Variants in PPARG observed in about 807,000 individuals in gnomAD.
PPARG encodes the protein peroxisome proliferator-activated receptor gamma.
PPARG carries 17 observed loss-of-function variants against 39.2 expected under a neutral mutation model. The ratio of observed to expected loss-of-function variants is 0.43; its 90% CI spans 0.30 to 0.65. The LOEUF is 0.65. Ranked by LOEUF, PPARG falls within the 30% of genes least tolerant of loss-of-function variation. PPARG has a pLI of 0.13. For synonymous variants in PPARG, 223 were observed against 215.7 expected, an observed-to-expected ratio of 1.03 and a Z score of -0.30; for missense variants, 406 against 585.9, an observed-to-expected ratio of 0.69 and a Z score of 3.17.
upstream of PPARG, chr3:12,287,780 T>A (rs183181489): frequency 2.3e-5 from 3 of 133,186 alleles, no homozygotes; most frequent in South Asian, 7.4e-4. Flanking sequence ...TCCCTCCCAG[T>A]CGCGCGCCGC....
chr3:12,431,618 A>AT lies in PPARG; in HGVS notation c.1181-2273dup, dbSNP rs55845403. 6.2e-3 allele frequency among the ~76,000 whole-genome samples: 938 copies of AT among 152,294 alleles called. 8 individuals carry two copies. Among genetic ancestry groups the AT allele is most frequent in the Admixed American group, 0.011 (173 of 15,298 alleles). On this transcript the variant is annotated intron_variant, in intron 7 of 7. Transcript: ENST00000651735. Reference sequence around the variant, plus strand: ...AATAGATAAACCTTTGACAAATCAGATTTTTTTAATGAGAGAATGCACAAA... The same window carrying AT: ...AATAGATAAACCTTTGACAAATCAGATTTTTTTTAATGAGAGAATGCACAAA...
intron 1 of PPARG, among the ~76,000 whole-genome samples, chr3:12,298,852 T>C (rs1172748996): frequency 6.6e-6 from 1 of 152,202 alleles, no homozygotes; most frequent in Non-Finnish European, 1.5e-5. Context: ...TATTTATTTA[T>C]TGAGACAGGG....
At chr3:12,413,349 T>A (rs2050945181) in intron 6 of PPARG, among the ~76,000 whole-genome samples, 2 of 152,174 alleles carry the variant, frequency 1.3e-5, no homozygotes, top group African/African-American at 4.8e-5. Flanking sequence ...GTTTGACAGA[T>A]CTACCTGGAG....
chr3:12,357,297 C>T (rs1441591273), intron 2 of PPARG, among the ~76,000 whole-genome samples: 1 of 152,120 alleles, frequency 6.6e-6, no homozygotes, highest in African/African-American at 2.4e-5. Flanking sequence ...TCTCTTCCAC[C>T]CACTCTGCTC....
At chr3:12,330,302 TAAA>T (rs67976990) in intron 2 of PPARG, among the ~76,000 whole-genome samples, 8 of 121,046 alleles carry the variant, frequency 6.6e-5, no homozygotes, top group East Asian at 2.5e-4. Flanking sequence ...CACCTTTTTT[TAAA>T]AAAAAAAAAA....
intron 2 of PPARG, among the ~76,000 whole-genome samples, chr3:12,362,298 C>T (rs1425758712): frequency 6.6e-6 from 1 of 151,940 alleles, no homozygotes; most frequent in Non-Finnish European, 1.5e-5. Flanking sequence ...GGGTGGATCA[C>T]TTTGAGCTCA....
intron 2 of PPARG, among the ~76,000 whole-genome samples, chr3:12,358,874 G>T (rs2048748733): frequency 6.6e-6 from 1 of 152,116 alleles, no homozygotes; most frequent in African/African-American, 2.4e-5. Context: ...TATACACTTA[G>T]TATTATTTCT....
rs138785078 is a variant in PPARG at position 12,289,381 on chromosome 3, T to C, written c.-83+247T>C. 1.6e-3 allele frequency among the ~76,000 whole-genome samples: 247 copies of C among 152,294 alleles called. 1 individual carries two copies. The highest frequency in any genetic ancestry group is 5.7e-3 in the African/African-American group (237 of 41,556). On this transcript the variant is annotated intron_variant, in intron 1 of 7. Coordinates refer to ENST00000651735, the MANE Select transcript of PPARG (RefSeq NM_138711.6). ...AATTTTTCTTCTTTTCCTTGCAAGATTAGGGACAAAATGTAAAGTTTATTT... is the reference window on the plus strand; with the variant it reads ...AATTTTTCTTCTTTTCCTTGCAAGACTAGGGACAAAATGTAAAGTTTATTT...
intron 2 of PPARG, among the ~76,000 whole-genome samples, chr3:12,367,842 T>G (rs1359466508): frequency 6.6e-6 from 1 of 151,956 alleles, no homozygotes; most frequent in Admixed American, 6.6e-5. Flanking sequence ...GCCACTGCAC[T>G]CCAGCCTGCA....
chr3:12,385,734 C>T (rs908056547), intron 4 of PPARG, among the ~76,000 whole-genome samples: 6 of 152,122 alleles, frequency 3.9e-5, no homozygotes, highest in Admixed American at 1.3e-4. Context: ...CTATTCATCC[C>T]TACTTCAGAA....
At chr3:12,303,919 G>A (rs1180175056) in intron 1 of PPARG, among the ~76,000 whole-genome samples, 1 of 152,164 alleles carries the variant, frequency 6.6e-6, no homozygotes, top group East Asian at 1.9e-4. Context: ...GGCTGTATTG[G>A]AACACCAGTA....
intron 5 of PPARG, among the ~76,000 whole-genome samples, chr3:12,404,797 C>G (rs1056119095): frequency 6.6e-6 from 1 of 152,160 alleles, no homozygotes; most frequent in African/African-American, 2.4e-5. Context: ...GAGCAAGACT[C>G]CATCTCAAAA....
At chr3:12,393,380 A>G (rs2125217491) in intron 5 of PPARG, among the ~76,000 whole-genome samples, 1 of 152,246 alleles carries the variant, frequency 6.6e-6, no homozygotes, top group East Asian at 1.9e-4. Flanking sequence ...TCTAAAGTCA[A>G]GCTTATGACT....
intron 7 of PPARG, among the ~76,000 whole-genome samples, chr3:12,421,807 G>T (rs1449253644): frequency 6.6e-6 from 1 of 152,182 alleles, no homozygotes; most frequent in Non-Finnish European, 1.5e-5. Context: ...GTCTGGCTTG[G>T]TGACGCAAAC....
intron 3 of PPARG, among the ~76,000 whole-genome samples, chr3:12,380,501 T>A (rs1215620032): frequency 6.6e-6 from 1 of 152,170 alleles, no homozygotes; most frequent in East Asian, 1.9e-4. Flanking sequence ...AGAACTGCAC[T>A]TTTTGAGATA....
chr3:12,316,264 TG>T (rs1292723431), intron 2 of PPARG, among the ~76,000 whole-genome samples: 2 of 152,212 alleles, frequency 1.3e-5, no homozygotes, highest in African/African-American at 4.8e-5. Flanking sequence ...GTGAAGTATT[TG>T]GAATTCAACC....
rs568731774 is a variant in PPARG at position 12,341,442 on chromosome 3, C to G, written c.-9+28989C>G. 1.8e-4 allele frequency among the ~76,000 whole-genome samples: 28 copies of G among 152,266 alleles called. No homozygotes were observed. In the South Asian group the frequency reaches 5.8e-3, roughly 32 times the overall value. On this transcript the variant is annotated intron_variant, in intron 2 of 7. Coordinates refer to ENST00000651735, the MANE Select transcript of PPARG (RefSeq NM_138711.6). Reference sequence around the variant, plus strand: ...AGAACAAATTAAACAAGCAGTCTTCCTTTCTTGTAGGAACTGTATTTCAGG... The same window carrying G: ...AGAACAAATTAAACAAGCAGTCTTCGTTTCTTGTAGGAACTGTATTTCAGG...
intron 1 of PPARG, among the ~76,000 whole-genome samples, chr3:12,308,125 G>A (rs1457586861): frequency 6.6e-6 from 1 of 152,032 alleles, no homozygotes; most frequent in African/African-American, 2.4e-5. Flanking sequence ...AGCACTTTGG[G>A]AGGCCAAGGC....
In PPARG at chr3:12,379,853, T is replaced by C; in HGVS notation, c.142T>C (p.Tyr48His). ...CTTCTCCAGCATTTCTACTCCACATTACGAAGACATTCCATTCACAAGAAC... is the reference window on the plus strand; with the variant it reads ...CTTCTCCAGCATTTCTACTCCACATCACGAAGACATTCCATTCACAAGAAC... The part of the protein sequence containing the change: ...VDFSSISTPH[Y>H]EDIPFTRTDP... The change falls in exon 3 of 8, where the codon TAC (tyrosine) becomes CAC (histidine). Residue 48 changes from tyrosine to histidine, a missense_variant. Tyr to His is a moderately conservative substitution (Grantham distance 83, BLOSUM62 2). Around this residue, in one of 2 missense-constraint regions of PPARG, gnomAD observed 131 missense variants for 127.9 expected, o/e 1.02. Transcript: ENST00000651735. 6.2e-7 allele frequency: 1 copy of C among 1,613,918 alleles called. No individual in the cohort carries two copies. The highest frequency in any genetic ancestry group is 8.5e-7 in the Non-Finnish European group (1 of 1,179,852).
Sources: allele counts gnomAD v4.1 joint callset (sites outside exome capture counted in the v4.1 genomes callset), GRCh38; gene constraint gnomAD v4.1.1; regional missense constraint gnomAD v4.1.1; transcripts MANE v1.5; gene names NCBI Gene and HGNC (gene_info 2026-07-23, HGNC 2026-07-21).